COL27A1: variants seen among roughly 807,000 people sequenced by gnomAD.
The protein encoded by COL27A1 is collagen alpha-1(XXVII) chain.
Under a neutral mutation model 251.3 loss-of-function variants are expected in COL27A1, and 106 were observed. The ratio of observed to expected loss-of-function variants is 0.42; its 90% confidence interval spans 0.36 to 0.50. COL27A1 has a LOEUF of 0.50. Ranked by LOEUF, COL27A1 falls within the 20% of genes least tolerant of loss-of-function variation. The pLI, the probability that COL27A1 is intolerant of heterozygous loss-of-function variation, is 0.00. For missense variants in COL27A1, 2,325 were observed against 2,522.8 expected, an observed-to-expected ratio of 0.92 and a Z score of 1.68; for synonymous variants, 1,000 against 986.3, an observed-to-expected ratio of 1.01 and a Z score of -0.26.
chr9:114,295,668 T>G (rs1391459932), intron 49 of COL27A1, among the ~76,000 whole-genome samples: 1 of 152,156 alleles, frequency 6.6e-6, no homozygotes, highest in Admixed American at 6.6e-5. Flanking sequence ...GTTTTTTTGT[T>G]TTTTTTGAGA....
At chr9:114,161,726 C>G (rs1410064364) in intron 1 of COL27A1, among the ~76,000 whole-genome samples, 1 of 152,238 alleles carries the variant, frequency 6.6e-6, no homozygotes, top group Non-Finnish European at 1.5e-5. Context: ...CTCTGCCTGC[C>G]TGGGGATCAG....
chr9:114,159,305 G>A (rs1468173516), intron 1 of COL27A1, among the ~76,000 whole-genome samples: 2 of 152,178 alleles, frequency 1.3e-5, no homozygotes, highest in African/African-American at 2.4e-5. Flanking sequence ...AGTCATTTTG[G>A]TATAGCTGTA....
intron 1 of COL27A1, among the ~76,000 whole-genome samples, chr9:114,157,516 C>T (rs937349257): frequency 1.3e-5 from 2 of 152,360 alleles, no homozygotes; most frequent in Non-Finnish European, 2.9e-5. Flanking sequence ...ACCAGCGCTG[C>T]GGACCCTCAG....
chr9:114,174,968 A>G (rs1297317193), intron 3 of COL27A1, among the ~76,000 whole-genome samples: 3 of 19,384 alleles, frequency 1.5e-4, no homozygotes, highest in African/African-American at 9.0e-4. Context: ...GCTCAGGGTC[A>G]CATGGTAGGT....
intron 11 of COL27A1, among the ~76,000 whole-genome samples, chr9:114,210,372 T>C (rs1830262205): frequency 1.3e-5 from 2 of 152,270 alleles, no homozygotes; most frequent in African/African-American, 4.8e-5. Context: ...GACAGATCAG[T>C]TGGTTTACTT....
intron 6 of COL27A1, among the ~76,000 whole-genome samples, chr9:114,195,587 A>G (rs563412084): frequency 2.0e-5 from 3 of 152,338 alleles, no homozygotes; most frequent in African/African-American, 7.2e-5. Flanking sequence ...CATGCCCAGC[A>G]ATGGAAGGTG....
Position 114,288,907 on chromosome 9 carries a change from C to T in COL27A1, c.4099-7C>T, listed in dbSNP as rs2131618168. The T allele has an allele frequency of 6.2e-7, 1 of 1,613,680 alleles. No individual in the cohort carries two copies. Among genetic ancestry groups the T allele is most frequent in the South Asian group, 1.1e-5 (1 of 91,080 alleles). On this transcript the variant is annotated splice_region_variant and splice_polypyrimidine_tract_variant and intron_variant, in intron 43 of 60. Transcript: ENST00000356083. ...GCCCCCCTCACCTGTCTCTCTTTGGCTTCCAGGGACAGGAGGGTGTGCAAG... is the reference window on the plus strand; with the variant it reads ...GCCCCCCTCACCTGTCTCTCTTTGGTTTCCAGGGACAGGAGGGTGTGCAAG...
intron 5 of COL27A1, among the ~76,000 whole-genome samples, chr9:114,193,855 G>A (rs950179039): frequency 1.9e-4 from 29 of 152,166 alleles, no homozygotes; most frequent in African/African-American, 6.5e-4. Flanking sequence ...CCAGGAGACA[G>A]TCCTGGCCAC....
intron 12 of COL27A1, among the ~76,000 whole-genome samples, chr9:114,218,954 T>G (rs1018958062): frequency 8.4e-5 from 3 of 35,508 alleles, no homozygotes. Flanking sequence ...GTGCTTTGTT[T>G]TTTTTTTTTT....
At chr9:114,281,939 AC>A (rs905293810) in intron 37 of COL27A1, among the ~76,000 whole-genome samples, 2 of 152,084 alleles carry the variant, frequency 1.3e-5, no homozygotes, top group Non-Finnish European at 2.9e-5. Context: ...CCTGTAGGAC[AC>A]CCCTGGATGC....
At chr9:114,275,204 C>T (rs750042573) in intron 36 of COL27A1, among the ~76,000 whole-genome samples, 11 of 151,824 alleles carry the variant, frequency 7.2e-5, no homozygotes, top group East Asian at 1.9e-4. Flanking sequence ...GTCGAGGCTG[C>T]GGTGACCTAT....
At chr9:114,175,585 G>A (rs1320108647) in intron 3 of COL27A1, among the ~76,000 whole-genome samples, 1 of 152,126 alleles carries the variant, frequency 6.6e-6, no homozygotes, top group Non-Finnish European at 1.5e-5. Context: ...CAAGGAGTCC[G>A]CCTGTGGGCT....
At chr9:114,211,070 C>T in intron 12 of COL27A1, 44 bp downstream of exon 12, 1 of 1,599,456 alleles carries the variant, frequency 6.3e-7, no homozygotes, top group Non-Finnish European at 8.6e-7. Context: ...AGCGGGGAAC[C>T]CCACCTCCCA....
chr9:114,183,054 C>A lies in COL27A1; in HGVS notation c.1995C>A (p.Leu665=), dbSNP rs1433559335. The A allele has an allele frequency of 1.2e-6, 2 of 1,613,344 alleles. No individual in the cohort carries two copies. Among genetic ancestry groups the A allele is most frequent in the Admixed American group, 3.3e-5 (2 of 60,014 alleles). ...CTGGGCCTTATGGAAATCCAGGTCT[C>A]CCCGGCCCTCCTGGAGCCAAAGTGA... is the stretch of plus-strand genomic sequence containing the variant. ...GPPGPYGNPG[L]PGPPGAKGQK... is the part of the protein sequence containing the mutation. The change falls in exon 5 of 61, where the codon CTC becomes CTA. Residue 665 remains leucine, a synonymous_variant. Transcript: ENST00000356083.
chr9:114,212,052 C>T (rs745483133), intron 12 of COL27A1, among the ~76,000 whole-genome samples: 1 of 152,176 alleles, frequency 6.6e-6, no homozygotes, highest in Non-Finnish European at 1.5e-5. Flanking sequence ...GCTGTTGGAG[C>T]GTTTAACCTG....
chr9:114,284,760 G>A lies in COL27A1; in HGVS notation c.3970G>A (p.Gly1324Arg). 6.2e-7 allele frequency: 1 copy of A among 1,614,196 alleles called. No individual in the cohort carries two copies. The highest frequency in any genetic ancestry group is 8.5e-7 in the Non-Finnish European group (1 of 1,180,034). ...KGIVGPLGPP[G>R]PKGEKGEQGE... The stretch of plus-strand genomic sequence containing the variant: ...CATTGTGGGACCCCTTGGACCTCCT[G>A]GACCAAAAGGCGAAAAGGTGGGTGT... The change falls in exon 41 of 61, where the codon GGA (glycine) becomes AGA (arginine). Residue 1324 changes from glycine (G) to arginine (R), a missense_variant. This residue lies in a region of COL27A1 where 662 missense variants were observed against 795.3 expected (regional missense o/e 0.83). Transcript: ENST00000356083.
At chr9:114,165,222 T>C (rs1020040263) in intron 2 of COL27A1, among the ~76,000 whole-genome samples, 1 of 152,206 alleles carries the variant, frequency 6.6e-6, no homozygotes, top group African/African-American at 2.4e-5. Context: ...GAGTCTGCTA[T>C]AGAACCATTA....
intron 5 of COL27A1, among the ~76,000 whole-genome samples, chr9:114,188,371 C>T (rs940892299): frequency 1.2e-4 from 18 of 152,172 alleles, no homozygotes; most frequent in African/African-American, 3.4e-4. Flanking sequence ...GTCCCAAGTC[C>T]AAGCCCTGCC....
rs74594199 is a variant in COL27A1, at chr9:114,251,204, G to A, written c.3033+536G>A. 9.1e-3 allele frequency among the ~76,000 whole-genome samples: 1,385 copies of A among 152,256 alleles called. 23 individuals are homozygous for A. The highest frequency in any genetic ancestry group is 0.032 in the African/African-American group (1,320 of 41,536). ...CCAGCTCCCACCAAGGGCCTTGGAG[G>A]CACTTGTCTTCCTTTGTATGGGTTT... is the stretch of plus-strand genomic sequence containing the variant. On this transcript the variant is annotated intron_variant, in intron 25 of 60. Coordinates refer to ENST00000356083, the MANE Select transcript of COL27A1 (RefSeq NM_032888.4).
Sources: gnomAD v4.1 joint callset for allele counts (sites outside exome capture counted in the v4.1 genomes callset) on GRCh38, gnomAD v4.1.1 for gene constraint, gnomAD v4.1.1 regional missense constraint, MANE v1.5 for transcripts, NCBI Gene and HGNC (gene_info 2026-07-23, HGNC 2026-07-21) for gene names.